Variants in FRYL observed in about 807,000 individuals in gnomAD.
FRYL encodes protein furry homolog-like.
A neutral mutation model predicts 351.2 loss-of-function variants in FRYL; 150 were observed. That is an observed-to-expected ratio of 0.43 (90% CI 0.37 to 0.49). The LOEUF (loss-of-function observed/expected upper bound fraction) is 0.49. Ranked by LOEUF, FRYL falls within the 20% of genes least tolerant of loss-of-function variation. FRYL has a pLI of 0.00. For missense variants in FRYL, 3,036 were observed against 3,619.3 expected (o/e 0.84, Z 4.13); for synonymous variants, 1,153 against 1,257.1 (o/e 0.92, Z 1.75).
At chr4:48,571,544 T>C (rs1385925986) in intron 26 of FRYL, 2 of 563,638 alleles carry the variant, frequency 3.5e-6, no homozygotes, top group East Asian at 2.9e-4. Flanking sequence ...CTATAGGTCA[T>C]TATTTCATTT....
chr4:48,701,225 GTATTAGGAGACAAAAACAAC>G (rs1159610286), intron 2 of FRYL, among the ~76,000 whole-genome samples: 1 of 152,140 alleles, frequency 6.6e-6, no homozygotes, highest in Non-Finnish European at 1.5e-5. Context: ...GCATCAATAT[GTATTAGGAGACAAAAACAAC>G]TATTTAATTC....
chr4:48,651,697 GA>G (rs1212546741), intron 3 of FRYL, among the ~76,000 whole-genome samples: 1 of 152,142 alleles, frequency 6.6e-6, no homozygotes, highest in Non-Finnish European at 1.5e-5. Context: ...CAAAAGTGTT[GA>G]TGTTACAAAA....
chr4:48,734,296 A>G (rs752469575), intron 1 of FRYL, among the ~76,000 whole-genome samples: 3 of 152,210 alleles, frequency 2.0e-5, no homozygotes, highest in Non-Finnish European at 4.4e-5. Context: ...CAGAGCAAGG[A>G]AAGTTCTCAA....
At chr4:48,624,783 C>G (rs957353403) in intron 4 of FRYL, among the ~76,000 whole-genome samples, 9 of 152,266 alleles carry the variant, frequency 5.9e-5, no homozygotes, top group African/African-American at 1.9e-4. Context: ...AATCAGGAGC[C>G]TGAGTAAAGC....
intron 56 of FRYL, among the ~76,000 whole-genome samples, chr4:48,513,572 T>C (rs1309607079): frequency 6.6e-6 from 1 of 152,208 alleles, no homozygotes; most frequent in Non-Finnish European, 1.5e-5. Context: ...TAAAATTGCA[T>C]GTTTCGCATT....
rs1284756315 is a variant in FRYL at position 48,540,756 on chromosome 4, A to G, written c.5892T>C (p.Asp1964=). Residue 1964 remains aspartate (D), a synonymous_variant, in exon 46 of 64, where the codon GAT becomes GAC. Coordinates refer to ENST00000358350, the MANE Select transcript of FRYL (RefSeq NM_015030.2). ...RRRSNTLDIM[D]GRINHSSSLA... Reference sequence around the variant, plus strand: ...AACTACTGCTATGGTTTATCCGTCCATCCATTATATCCAGTGTGTTACTCC... The same window carrying G: ...AACTACTGCTATGGTTTATCCGTCCGTCCATTATATCCAGTGTGTTACTCC... 7 of 1,614,002 alleles carry G rather than the reference A, an allele frequency of 4.3e-6. No individual in the cohort carries two copies. The highest frequency in any genetic ancestry group is 5.9e-6 in the Non-Finnish European group (7 of 1,179,914).
At chr4:48,774,403 T>C (rs1775808547) in intron 1 of FRYL, among the ~76,000 whole-genome samples, 1 of 152,154 alleles carries the variant, frequency 6.6e-6, no homozygotes. Flanking sequence ...CAACACACCA[T>C]CACTGACAGT....
intron 23 of FRYL, among the ~76,000 whole-genome samples, chr4:48,577,624 A>C (rs1373801324): frequency 6.6e-6 from 1 of 152,206 alleles, no homozygotes; most frequent in Non-Finnish European, 1.5e-5. Flanking sequence ...TGCTGGTAGG[A>C]TATGGGGTTA....
At chr4:48,623,105 A>G (rs761472776) in intron 5 of FRYL, 21 bp downstream of exon 5, 9 of 1,547,144 alleles carry the variant, frequency 5.8e-6, no homozygotes, top group Non-Finnish European at 7.9e-6. Context: ...GGAAAAAAAA[A>G]TTCTCCCAAA....
chr4:48,527,846 T>C, intron 52 of FRYL, 125 bp downstream of exon 52: 1 of 1,003,626 alleles, frequency 1.0e-6, no homozygotes, highest in Non-Finnish European at 1.5e-6. Flanking sequence ...TAAGAAATCT[T>C]TTTTTCATTC....
At chr4:48,700,488 T>A (rs940102339) in intron 2 of FRYL, among the ~76,000 whole-genome samples, 1 of 152,198 alleles carries the variant, frequency 6.6e-6, no homozygotes, top group Admixed American at 6.5e-5. Flanking sequence ...TTTTTGCTTT[T>A]ATAGATTCTC....
At chr4:48,713,227 C>T (rs1165114519) in intron 1 of FRYL, among the ~76,000 whole-genome samples, 1 of 151,478 alleles carries the variant, frequency 6.6e-6, no homozygotes, top group East Asian at 2.0e-4. Flanking sequence ...TCACACATAA[C>T]ACTATTAACT....
intron 13 of FRYL, 39 bp downstream of exon 13, chr4:48,601,977 TACCA>T (rs1206609390): frequency 1.8e-6 from 2 of 1,126,804 alleles, no homozygotes; most frequent in Non-Finnish European, 2.7e-6. Flanking sequence ...AAACAAAATA[TACCA>T]GTCAGTATTT....
chr4:48,659,043 A>C (rs1485497489), intron 3 of FRYL, among the ~76,000 whole-genome samples: 1 of 152,144 alleles, frequency 6.6e-6, no homozygotes, highest in African/African-American at 2.4e-5. Flanking sequence ...TAACATTTTT[A>C]AACTTTACTA....
chr4:48,498,042 T>C lies in FRYL; in HGVS notation c.*1380A>G, dbSNP rs1206385716. 3 of 152,316 alleles carry C rather than the reference T, an allele frequency of 2.0e-5. No homozygotes were observed. The highest frequency in any genetic ancestry group is 4.4e-5 in the Non-Finnish European group (3 of 67,996). 9.4% of individuals were successfully genotyped at this position (152,316 alleles called of 1,614,324 possible). A position where few individuals can be genotyped will look rare whatever the true frequency, so the allele number is the denominator to read the frequency against. On this transcript the variant is annotated 3_prime_UTR_variant, in exon 64 of 64. Coordinates refer to ENST00000358350, the MANE Select transcript of FRYL (RefSeq NM_015030.2). ...GTATATAAAAAATACAAGGTGTTTC[T>C]TTCAAATCAGGAGTTGTGGGACTAC...
At chr4:48,764,540 G>A (rs7665089) in intron 1 of FRYL, among the ~76,000 whole-genome samples, 146,888 of 149,206 alleles carry the variant, frequency 0.98, 72,314 homozygotes, top group Middle Eastern at 1. Context: ...CAAAAAAAAA[G>A]AAAAGAAAAG....
chr4:48,733,209 A>G (rs1770930405), intron 1 of FRYL, among the ~76,000 whole-genome samples: 1 of 151,892 alleles, frequency 6.6e-6, no homozygotes, highest in South Asian at 2.1e-4. Context: ...CGGGAGGTGG[A>G]GACTGCAGTG....
At chr4:48,523,348 T>C in intron 53 of FRYL, 1 of 417,086 alleles carries the variant, frequency 2.4e-6, no homozygotes, top group Non-Finnish European at 4.3e-6. Context: ...ACTTTCTATC[T>C]TGTATTACTG....
At chr4:48,635,777 T>G (rs966795398) in intron 3 of FRYL, among the ~76,000 whole-genome samples, 3 of 152,220 alleles carry the variant, frequency 2.0e-5, no homozygotes, top group Non-Finnish European at 4.4e-5. Context: ...TCTGCAAGTT[T>G]GTGCTTCTTT....
Sources: allele counts gnomAD v4.1 joint callset (sites outside exome capture counted in the v4.1 genomes callset), GRCh38; gene constraint gnomAD v4.1.1; transcripts MANE v1.5; gene names NCBI Gene and HGNC (gene_info 2026-07-23, HGNC 2026-07-21).